PSD3: variants seen among roughly 807,000 people sequenced by gnomAD.
PSD3 encodes PH and SEC7 domain-containing protein 3.
Under a neutral mutation model 105.5 loss-of-function variants are expected in PSD3, and 49 were observed. The ratio of observed to expected loss-of-function variants is 0.46; its 90% CI spans 0.37 to 0.59. The LOEUF is 0.59. PSD3 is among the 20% of genes least tolerant of loss of function. PSD3 has a pLI of 0.00. For missense variants in PSD3, 1,561 were observed against 1,263.8 expected (o/e 1.24, Z -3.57); for synonymous variants, 557 against 457.8 (o/e 1.22, Z -2.77).
Position 19,034,244 on chromosome 8 carries a change from A to T in PSD3, c.324+49962T>A, listed in dbSNP as rs185184955. Among the ~76,000 whole-genome samples, 494 of 152,310 alleles carry T rather than the reference A, an allele frequency of 3.2e-3. 3 individuals carry two copies. Among genetic ancestry groups the T allele is most frequent in the Non-Finnish European group, 5.1e-3 (344 of 68,024 alleles). Reference sequence around the variant, plus strand: ...TCTATAATACCATTTCATCAATAACATTGTGTTACAGCCTAGATCCCCCAG... The same window carrying T: ...TCTATAATACCATTTCATCAATAACTTTGTGTTACAGCCTAGATCCCCCAG... On this transcript the variant is annotated intron_variant, in intron 1 of 1. Transcript: ENST00000521475.
chr8:19,015,717 C>T (rs1282046265), upstream of PSD3, among the ~76,000 whole-genome samples: 1 of 152,182 alleles, frequency 6.6e-6, no homozygotes, highest in African/African-American at 2.4e-5. Context: ...TCTGTTTCCT[C>T]ATTTATAAAA....
intron 1 of PSD3, among the ~76,000 whole-genome samples, chr8:18,975,895 C>A (rs972515591): frequency 2.0e-5 from 3 of 152,092 alleles, no homozygotes; most frequent in Non-Finnish European, 4.4e-5. Flanking sequence ...GAGAAATAGG[C>A]ACCCTGACAT....
intron 4 of PSD3, among the ~76,000 whole-genome samples, chr8:18,844,832 C>T (rs558065078): frequency 6.6e-6 from 1 of 152,190 alleles, no homozygotes; most frequent in Non-Finnish European, 1.5e-5. Context: ...GAATAAGCTA[C>T]TCTGCATAGC....
intron 6 of PSD3, among the ~76,000 whole-genome samples, chr8:18,801,774 G>T (rs970953499): frequency 6.6e-5 from 10 of 152,146 alleles, no homozygotes; most frequent in African/African-American, 2.4e-4. Flanking sequence ...GTTGCAGTAA[G>T]CTGAGGTCGC....
At chr8:19,028,940 C>T (rs993187526) in intron 1 of PSD3, among the ~76,000 whole-genome samples, 9 of 152,120 alleles carry the variant, frequency 5.9e-5, no homozygotes, top group African/African-American at 1.9e-4. Context: ...AAAGATTATC[C>T]TTTTGCATTT....
At chr8:18,775,753 A>G (rs1808000167) in intron 8 of PSD3, among the ~76,000 whole-genome samples, 1 of 152,208 alleles carries the variant, frequency 6.6e-6, no homozygotes. Context: ...GATAGCTCAA[A>G]AATATCTTCT....
intron 9 of PSD3, among the ~76,000 whole-genome samples, chr8:18,691,772 T>C (rs571563643): frequency 6.6e-6 from 1 of 152,344 alleles, no homozygotes; most frequent in Non-Finnish European, 1.5e-5. Context: ...TCATTGAATC[T>C]AGGAGGCAAT....
intron 4 of PSD3, among the ~76,000 whole-genome samples, chr8:18,829,202 T>C (rs758174804): frequency 6.6e-6 from 1 of 152,192 alleles, no homozygotes; most frequent in Non-Finnish European, 1.5e-5. Flanking sequence ...ATCATGCCAC[T>C]GTACAGCCTG....
chr8:18,790,238 A>G (rs1371115391), intron 8 of PSD3, among the ~76,000 whole-genome samples: 1 of 152,026 alleles, frequency 6.6e-6, no homozygotes, highest in Non-Finnish European at 1.5e-5. Context: ...TATGATAGTA[A>G]ATTATATTCT....
chr8:18,657,402 C>T (rs1808981399), intron 9 of PSD3, among the ~76,000 whole-genome samples: 1 of 152,130 alleles, frequency 6.6e-6, no homozygotes, highest in Non-Finnish European at 1.5e-5. Flanking sequence ...TCAATTGTGG[C>T]TTCATAGTCA....
chr8:18,761,100 T>G (rs111905341), intron 9 of PSD3, among the ~76,000 whole-genome samples: 251 of 152,108 alleles, frequency 1.7e-3, no homozygotes, highest in African/African-American at 6.0e-3. Context: ...AAGAGGGAAG[T>G]CACTAAAAAC....
Position 18,530,343 on chromosome 8 carries a change from T to C in PSD3, c.*5400A>G, listed in dbSNP as rs185746647. On this transcript the variant is annotated 3_prime_UTR_variant, in exon 16 of 16. Transcript: ENST00000327040. ...TTTAAACCTGGTCCTGAAATTCTTTTACCTGTGACACTAGATGCTAATTTC... is the reference window on the plus strand; with the variant it reads ...TTTAAACCTGGTCCTGAAATTCTTTCACCTGTGACACTAGATGCTAATTTC... 1.5e-3 allele frequency: 234 copies of C among 152,508 alleles called. No individual in the cohort carries two copies. The highest frequency in any genetic ancestry group is 5.2e-3 in the African/African-American group (216 of 41,570). 9.4% of individuals were successfully genotyped at this position (152,508 alleles called of 1,614,324 possible). A position where few individuals can be genotyped will look rare whatever the true frequency, so the allele number is the denominator to read the frequency against.
At chr8:18,779,991 G>C (rs1404576832) in intron 8 of PSD3, among the ~76,000 whole-genome samples, 1 of 152,198 alleles carries the variant, frequency 6.6e-6, no homozygotes, top group African/African-American at 2.4e-5. Context: ...GACTTGGCTA[G>C]ATGATCAGTC....
chr8:18,739,309 G>GA (rs1292227514), intron 9 of PSD3, among the ~76,000 whole-genome samples: 1 of 151,992 alleles, frequency 6.6e-6, no homozygotes, highest in Non-Finnish European at 1.5e-5. Flanking sequence ...CTATTTAAGG[G>GA]AAAAAATAGG....
chr8:18,664,389 A>G (rs1014561282), intron 9 of PSD3, among the ~76,000 whole-genome samples: 3 of 152,260 alleles, frequency 2.0e-5, no homozygotes, highest in Admixed American at 2.0e-4. Flanking sequence ...AGATCAAACT[A>G]GCCACAACAT....
chr8:18,856,679 A>G (rs999476227), intron 4 of PSD3, among the ~76,000 whole-genome samples: 5 of 152,302 alleles, frequency 3.3e-5, no homozygotes, highest in South Asian at 4.2e-4. Flanking sequence ...GAGTAATTAT[A>G]AAGACAATAA....
At chr8:18,613,497 G>A (rs1310223264) in intron 11 of PSD3, among the ~76,000 whole-genome samples, 1 of 151,944 alleles carries the variant, frequency 6.6e-6, no homozygotes, top group East Asian at 1.9e-4. Flanking sequence ...ACCCTTCTAC[G>A]TGTCTGCGAG....
At chr8:18,583,477 G>C (rs1238540493) in intron 12 of PSD3, among the ~76,000 whole-genome samples, 1 of 152,104 alleles carries the variant, frequency 6.6e-6, no homozygotes, top group Non-Finnish European at 1.5e-5. Context: ...TAAAACATGT[G>C]ATAGCTCCAA....
At chr8:19,032,277 T>C (rs987675785) in intron 1 of PSD3, among the ~76,000 whole-genome samples, 49 of 152,062 alleles carry the variant, frequency 3.2e-4, no homozygotes, top group Non-Finnish European at 5.1e-4. Flanking sequence ...CACACACACA[T>C]GGTAAGTGAG....
Sources: gnomAD v4.1 joint callset for allele counts (sites outside exome capture counted in the v4.1 genomes callset) on GRCh38, gnomAD v4.1.1 for gene constraint, MANE v1.5 for transcripts, NCBI Gene and HGNC (gene_info 2026-07-23, HGNC 2026-07-21) for gene names.